Variants in MAGEA1 observed in about 807,000 individuals in gnomAD.
MAGEA1 encodes the protein melanoma-associated antigen 1.
For missense variants in MAGEA1, 182 were observed against 233.7 expected (o/e 0.78, Z 1.44); for synonymous variants, 101 against 96.7 (o/e 1.04, Z -0.26).
At chrX:153,179,888 C>A (rs2051484089) in intron 1 of MAGEA1, among the ~76,000 whole-genome samples, 1 of 110,113 alleles carries the variant, frequency 9.1e-6, no homozygotes, top group Non-Finnish European at 1.9e-5. Context: ...TGGCAGAATC[C>A]GGTTTGCCCC....
chrX:153,182,139 C>T lies in MAGEA1; in HGVS notation c.-138-38C>T, dbSNP rs1252829174. The T allele has an allele frequency of 2.0e-5, 12 of 611,618 alleles. 1 individual carries two copies. Among genetic ancestry groups the T allele is most frequent in the Middle Eastern group, 4.8e-4 (1 of 2,102 alleles). The allele number at this position is 611,618 out of a possible 1,213,427, so 50.4% of individuals were successfully genotyped here. A position where few individuals can be genotyped will look rare whatever the true frequency, so the allele number is the denominator to read the frequency against. On this transcript the variant is annotated intron_variant, in intron 1 of 2. Transcript: ENST00000356661. The stretch of plus-strand genomic sequence containing the variant: ...TCCTGTAGAATCGACCTCTGCTGGC[C>T]GGCTGTACCCTGAGTACCCTCTCAC...
intron 1 of MAGEA1, among the ~76,000 whole-genome samples, chrX:153,180,284 AGGCATCCGCCC>A (rs1329248511): frequency 9.9e-5 from 11 of 111,378 alleles, no homozygotes; most frequent in Admixed American, 1.9e-4. Flanking sequence ...ATCAAGGTCC[AGGCATCCGCCC>A]GGCATTAGGG....
chrX:153,179,365 G>A lies in MAGEA1; in HGVS notation c.-139G>A, dbSNP rs1376347567. 1 of 105,570 alleles carries A rather than the reference G, an allele frequency of 9.5e-6. No individual in the cohort carries two copies. Among genetic ancestry groups the A allele is most frequent in the Non-Finnish European group, 1.9e-5 (1 of 51,444 alleles). The allele number at this position is 105,570 out of a possible 1,213,427, so 8.7% of individuals were successfully genotyped here. A position where few individuals can be genotyped will look rare whatever the true frequency, so the allele number is the denominator to read the frequency against. ...TGACCCAGGCTCTGTGAGGAGGCAA[G>A]GTGAGAGGCTGAGGGAGGACTGAGG... On this transcript the variant is annotated splice_region_variant and 5_prime_UTR_variant, in exon 1 of 3. Transcript: ENST00000356661.
chrX:153,179,791 C>T (rs1340354500), intron 1 of MAGEA1, among the ~76,000 whole-genome samples: 2 of 107,382 alleles, frequency 1.9e-5, no homozygotes, highest in East Asian at 5.9e-4. Context: ...CAGCACCAGC[C>T]CCAACCCTTC....
chrX:153,181,201 C>T (rs781875585), intron 1 of MAGEA1, among the ~76,000 whole-genome samples: 3 of 111,629 alleles, frequency 2.7e-5, no homozygotes, highest in East Asian at 5.7e-4. Context: ...AGGGGTCAGC[C>T]CTGGACACCT....
Position 153,179,330 on chromosome X carries a change from C to G in MAGEA1, c.-174C>G, listed in dbSNP as rs966919489. On this transcript the variant is annotated 5_prime_UTR_variant, in exon 1 of 3. Transcript: ENST00000356661. ...TCTGAGGGACGGCGTAGAGTTCGGC[C>G]GAAGGAACCTGACCCAGGCTCTGTG... 9.8e-6 allele frequency: 1 copy of G among 102,328 alleles called. No homozygotes were observed. Among genetic ancestry groups the G allele is most frequent in the African/African-American group, 3.6e-5 (1 of 27,624 alleles). 8.4% of individuals were successfully genotyped at this position (102,328 alleles called of 1,213,427 possible).
In MAGEA1 at chrX:153,182,534, G is replaced by C; in HGVS notation, c.145G>C (p.Ala49Pro). Residue 49 changes from alanine to proline, a missense_variant, in exon 3 of 3, where the codon GCT becomes CCT. Physicochemically the swap from Ala to Pro is conservative, Grantham distance 27 (BLOSUM62 -1). Transcript: ENST00000356661. ...GGGCACCCTGGAGGAGGTGCCCACT[G>C]CTGGGTCAACAGATCCTCCCCAGAG... Reference protein sequence around the residue: ...VLGTLEEVPTAGSTDPPQSPQ... With the variant: ...VLGTLEEVPTPGSTDPPQSPQ... The C allele has an allele frequency of 3.3e-6, 4 of 1,211,603 alleles. No homozygotes were observed. Among genetic ancestry groups the C allele is most frequent in the South Asian group, 3.5e-5 (2 of 56,945 alleles).
At position 153,182,737 on chromosome X, in the gene MAGEA1, A is replaced by G; in HGVS notation, c.348A>G (p.Lys116=). The G allele has an allele frequency of 9.1e-6, 11 of 1,211,821 alleles. No homozygotes were observed. Among genetic ancestry groups the G allele is most frequent in the Non-Finnish European group, 1.2e-5 (11 of 895,475 alleles). ...VADLVGFLLL[K]YRAREPVTKA... is the part of the protein sequence containing the mutation. ...ATTTGGTTGGTTTTCTGCTCCTCAA[A>G]TATCGAGCCAGGGAGCCAGTCACAA... is the stretch of plus-strand genomic sequence containing the variant. Residue 116 remains lysine (K), a synonymous_variant, in exon 3 of 3, where the codon AAA becomes AAG. Transcript: ENST00000356661.
intron 1 of MAGEA1, among the ~76,000 whole-genome samples, chrX:153,180,104 A>T (rs782533845): frequency 1.1e-4 from 12 of 110,529 alleles, no homozygotes; most frequent in African/African-American, 3.6e-4. Context: ...GATGGCCCCA[A>T]AATGATCCAG....
In MAGEA1 at chrX:153,182,741, C is replaced by T; in HGVS notation, c.352C>T (p.Arg118Ter). Residue 118 changes from arginine (R) to a stop codon, truncating the protein, a stop_gained, in exon 3 of 3, where the codon CGA (arginine) becomes TGA (stop). Transcript: ENST00000356661. LOFTEE classifies it low-confidence loss of function (END_TRUNC). ...GGTTGGTTTTCTGCTCCTCAAATAT[C>T]GAGCCAGGGAGCCAGTCACAAAGGC... Reference protein sequence around the residue: ...DLVGFLLLKYRAREPVTKAEM... With the variant: ...DLVGFLLLKY The T allele has an allele frequency of 1.7e-6, 2 of 1,211,821 alleles. No homozygotes were observed. Among genetic ancestry groups the T allele is most frequent in the Non-Finnish European group, 1.1e-6 (1 of 895,475 alleles).
chrX:153,182,450 G>C lies in MAGEA1; in HGVS notation c.61G>C (p.Glu21Gln). 8.3e-7 allele frequency: 1 copy of C among 1,211,083 alleles called. No individual in the cohort carries two copies. The highest frequency in any genetic ancestry group is 1.1e-6 in the Non-Finnish European group (1 of 895,155). ...TGAGGAAGCCCTTGAGGCCCAACAA[G>C]AGGCCCTGGGCCTGGTGTGTGTGCA... ...KPEEALEAQQ[E>Q]ALGLVCVQAA... The change falls in exon 3 of 3, where the codon GAG becomes CAG. Residue 21 changes from glutamate (E) to glutamine (Q), a missense_variant. Transcript: ENST00000356661.
chrX:153,181,297 G>A (rs782295042), intron 1 of MAGEA1, among the ~76,000 whole-genome samples: 27 of 110,777 alleles, frequency 2.4e-4, no homozygotes, highest in African/African-American at 6.3e-4. Flanking sequence ...TCAGGTCAAC[G>A]TAGGGACCCC....
At chrX:153,180,183 C>G (rs2051485436) in intron 1 of MAGEA1, among the ~76,000 whole-genome samples, 1 of 111,232 alleles carries the variant, frequency 9.0e-6, no homozygotes, top group African/African-American at 3.3e-5. Flanking sequence ...ACCCCCCGTC[C>G]CGTCCCACTG....
Position 153,183,220 on chromosome X carries a change from G to C in MAGEA1, c.831G>C (p.Val277=), listed in dbSNP as rs372567001. ...GPRALAETSY[V]KVLEYVIKVS... ...GGGCCCTCGCTGAAACCAGCTATGT[G>C]AAAGTCCTTGAGTATGTGATCAAGG... is the stretch of plus-strand genomic sequence containing the variant. Residue 277 remains valine (V), a synonymous_variant, in exon 3 of 3, where the codon GTG becomes GTC. Coordinates refer to ENST00000356661, the MANE Select transcript of MAGEA1 (RefSeq NM_004988.5). 1 of 1,210,908 alleles carries C rather than the reference G, an allele frequency of 8.3e-7. No individual in the cohort carries two copies. The highest frequency in any genetic ancestry group is 1.7e-5 in the African/African-American group (1 of 57,433).
In MAGEA1 at chrX:153,182,700, A is replaced by G. The variant is rs1556944136; in HGVS notation, c.311A>G (p.Lys104Arg). The G allele has an allele frequency of 8.2e-7, 1 of 1,212,171 alleles. No homozygotes were observed. The highest frequency in any genetic ancestry group is 2.2e-5 in the Admixed American group (1 of 46,106). ...LESLFRAVIT[K>R]KVADLVGFLL... ...TCCTTGTTCCGAGCAGTAATCACTAAGAAGGTGGCTGATTTGGTTGGTTTT... is the reference window on the plus strand; with the variant it reads ...TCCTTGTTCCGAGCAGTAATCACTAGGAAGGTGGCTGATTTGGTTGGTTTT... Residue 104 changes from lysine (K) to arginine (R), a missense_variant, in exon 3 of 3, where the codon AAG becomes AGG. Lys to Arg is a conservative substitution (Grantham distance 26, BLOSUM62 2). Coordinates refer to ENST00000356661, the MANE Select transcript of MAGEA1 (RefSeq NM_004988.5).
rs1024865497 is a variant in MAGEA1 at position 153,182,884 on chromosome X, C to T, written c.495C>T (p.Thr165=). ...TTGACGTGAAGGAAGCAGACCCCACCGGCCACTCCTATGTCCTTGTCACCT... is the reference window on the plus strand; with the variant it reads ...TTGACGTGAAGGAAGCAGACCCCACTGGCCACTCCTATGTCCTTGTCACCT... ...FGIDVKEADP[T]GHSYVLVTCL... The change falls in exon 3 of 3, where the codon ACC becomes ACT. Residue 165 remains threonine, a synonymous_variant. Coordinates refer to ENST00000356661, the MANE Select transcript of MAGEA1 (RefSeq NM_004988.5). 1.2e-5 allele frequency: 15 copies of T among 1,211,911 alleles called. No individual in the cohort carries two copies. The highest frequency in any genetic ancestry group is 2.3e-4 in the Middle Eastern group (1 of 4,353).
chrX:153,182,228 A>G lies in MAGEA1; in HGVS notation c.-87A>G. The G allele has an allele frequency of 9.7e-7, 1 of 1,026,515 alleles. No homozygotes were observed. The highest frequency in any genetic ancestry group is 2.2e-5 in the Admixed American group (1 of 45,652). The allele number at this position is 1,026,515 out of a possible 1,213,427, so 84.6% of individuals were successfully genotyped here. On this transcript the variant is annotated 5_prime_UTR_variant, in exon 2 of 3. Coordinates refer to ENST00000356661, the MANE Select transcript of MAGEA1 (RefSeq NM_004988.5). ...GGACAGGATTCCCTGGAGGCCACAG[A>G]GGAGCACCAAGGAGAAGATCTGTAA...
In MAGEA1 at chrX:153,182,958, C is replaced by T. The variant is rs1556944175; in HGVS notation, c.569C>T (p.Pro190Leu). Reference protein sequence around the residue: ...DGLLGDNQIMPKTGFLIIVLV... With the variant: ...DGLLGDNQIMLKTGFLIIVLV... ...CTGCTGGGTGATAATCAGATCATGC[C>T]CAAGACAGGCTTCCTGATAATTGTC... is the stretch of plus-strand genomic sequence containing the variant. Residue 190 changes from proline (P) to leucine (L), a missense_variant, in exon 3 of 3, where the codon CCC becomes CTC. Pro to Leu is a moderately conservative substitution (Grantham distance 98, BLOSUM62 -3). Coordinates refer to ENST00000356661, the MANE Select transcript of MAGEA1 (RefSeq NM_004988.5). The T allele has an allele frequency of 8.3e-7, 1 of 1,211,411 alleles. No individual in the cohort carries two copies. Among genetic ancestry groups the T allele is most frequent in the Non-Finnish European group, 1.1e-6 (1 of 895,435 alleles).
chrX:153,181,311 C>T (rs1198704483), intron 1 of MAGEA1, among the ~76,000 whole-genome samples: 3 of 111,140 alleles, frequency 2.7e-5, no homozygotes, highest in African/African-American at 6.6e-5. Context: ...GGACCCCCAT[C>T]TGGTCTAAAG....
Sources: allele counts gnomAD v4.1 joint callset (sites outside exome capture counted in the v4.1 genomes callset), GRCh38; gene constraint gnomAD v4.1.1; transcripts MANE v1.5; gene names NCBI Gene and HGNC (gene_info 2026-07-23, HGNC 2026-07-21).